CNTNAP2: variants seen among roughly 807,000 people sequenced by gnomAD.
CNTNAP2 encodes the protein contactin-associated protein-like 2.
CNTNAP2 carries 98 observed loss-of-function variants against 155.2 expected under a neutral mutation model. That is an observed-to-expected ratio of 0.63 (90% CI 0.54 to 0.75). The LOEUF is 0.75. Ranked by LOEUF, CNTNAP2 falls within the 30% of genes least tolerant of loss-of-function variation. The probability of loss-of-function intolerance (pLI) is 0.00; values close to 1 mark genes in which losing one functional copy is unlikely to be tolerated. For missense variants in CNTNAP2, 1,727 were observed against 1,688.1 expected, an observed-to-expected ratio of 1.02 and a Z score of -0.40; for synonymous variants, 651 against 631.2, an observed-to-expected ratio of 1.03 and a Z score of -0.47.
intron 1 of CNTNAP2, among the ~76,000 whole-genome samples, chr7:146,144,591 A>G (rs1455249758): frequency 6.6e-6 from 1 of 152,208 alleles, no homozygotes; most frequent in African/African-American, 2.4e-5. Flanking sequence ...TTACTTTGCT[A>G]TTGCTGAATG....
At chr7:146,948,826 T>C (rs886198696) in intron 3 of CNTNAP2, among the ~76,000 whole-genome samples, 1 of 152,156 alleles carries the variant, frequency 6.6e-6, no homozygotes, top group African/African-American at 2.4e-5. Flanking sequence ...AGGACACAGA[T>C]GTTGGGCCTC....
At chr7:147,448,507 C>T (rs2116563903) in intron 10 of CNTNAP2, among the ~76,000 whole-genome samples, 1 of 112,126 alleles carries the variant, frequency 8.9e-6, no homozygotes, top group South Asian at 3.4e-4. Context: ...TATATATATG[C>T]ACCCCCATTG....
intron 1 of CNTNAP2, among the ~76,000 whole-genome samples, chr7:146,431,893 G>A (rs972148868): frequency 2.0e-5 from 3 of 152,070 alleles, no homozygotes; most frequent in South Asian, 2.1e-4. Flanking sequence ...AATAGCTTTC[G>A]TATGATCTGA....
At chr7:148,029,419 G>A (rs924221865) in intron 15 of CNTNAP2, among the ~76,000 whole-genome samples, 5 of 152,126 alleles carry the variant, frequency 3.3e-5, no homozygotes, top group African/African-American at 1.2e-4. Flanking sequence ...TGTTATACTT[G>A]CAGAAAATAT....
intron 1 of CNTNAP2, among the ~76,000 whole-genome samples, chr7:146,746,091 T>C (rs1474231820): frequency 2.0e-5 from 3 of 152,202 alleles, no homozygotes; most frequent in African/African-American, 7.2e-5. Context: ...CAAAAGGGAG[T>C]AGAGTGGAAC....
intron 1 of CNTNAP2, among the ~76,000 whole-genome samples, chr7:146,520,129 T>C (rs1475728754): frequency 6.6e-6 from 1 of 151,390 alleles, no homozygotes; most frequent in Non-Finnish European, 1.5e-5. Flanking sequence ...TGCCAATTTC[T>C]ACAATGACCC....
chr7:146,868,637 C>A (rs1040002409), intron 3 of CNTNAP2, among the ~76,000 whole-genome samples: 3 of 152,120 alleles, frequency 2.0e-5, no homozygotes, highest in African/African-American at 7.2e-5. Flanking sequence ...TTGATTCTTC[C>A]TATCCATGAG....
At chr7:146,258,654 A>G (rs953217955) in intron 1 of CNTNAP2, among the ~76,000 whole-genome samples, 6 of 152,204 alleles carry the variant, frequency 3.9e-5, no homozygotes, top group Non-Finnish European at 8.8e-5. Context: ...TGAGAGGAAT[A>G]AACTCTCTAA....
chr7:147,495,333 C>A (rs987373100), intron 11 of CNTNAP2, among the ~76,000 whole-genome samples: 1 of 152,112 alleles, frequency 6.6e-6, no homozygotes, highest in Admixed American at 6.6e-5. Flanking sequence ...ACCTTGGTAG[C>A]TTGAAGCAGA....
intron 14 of CNTNAP2, among the ~76,000 whole-genome samples, chr7:147,936,947 C>T (rs1288436182): frequency 6.6e-6 from 1 of 152,118 alleles, no homozygotes; most frequent in South Asian, 2.1e-4. Context: ...TAATGTTGCA[C>T]CCCATTGCTG....
intron 1 of CNTNAP2, among the ~76,000 whole-genome samples, chr7:146,593,838 T>C (rs1218009116): frequency 6.6e-6 from 1 of 152,196 alleles, no homozygotes; most frequent in Non-Finnish European, 1.5e-5. Context: ...TTTAGACGCC[T>C]GTGTTTGTGT....
intron 20 of CNTNAP2, among the ~76,000 whole-genome samples, chr7:148,238,797 G>C (rs909823102): frequency 5.9e-5 from 9 of 152,102 alleles, no homozygotes; most frequent in Non-Finnish European, 1.2e-4. Flanking sequence ...GAAACATGGA[G>C]CCCAGACTGA....
intron 1 of CNTNAP2, among the ~76,000 whole-genome samples, chr7:146,452,896 A>G (rs1301614169): frequency 2.0e-5 from 3 of 152,234 alleles, no homozygotes; most frequent in African/African-American, 7.2e-5. Flanking sequence ...GACTCTGAAC[A>G]TGAGTCCATA....
intron 13 of CNTNAP2, among the ~76,000 whole-genome samples, chr7:147,896,357 C>T (rs1390123604): frequency 6.6e-6 from 1 of 152,128 alleles, no homozygotes; most frequent in East Asian, 1.9e-4. Context: ...TCACCTTGCC[C>T]GCTGCCTAGA....
chr7:147,953,747 G>A (rs776583957), intron 14 of CNTNAP2, among the ~76,000 whole-genome samples: 3 of 152,050 alleles, frequency 2.0e-5, no homozygotes, highest in Admixed American at 6.6e-5. Context: ...GATCTCTCTC[G>A]TAGCTTCTGG....
intron 1 of CNTNAP2, among the ~76,000 whole-genome samples, chr7:146,686,296 AG>A (rs1800597851): frequency 6.7e-6 from 1 of 149,098 alleles, no homozygotes; most frequent in Non-Finnish European, 1.5e-5. Flanking sequence ...CCCTGTCTCA[AG>A]GGAAAAAAAA....
At chr7:146,936,774 T>A (rs1269434770) in intron 3 of CNTNAP2, among the ~76,000 whole-genome samples, 1 of 152,170 alleles carries the variant, frequency 6.6e-6, no homozygotes, top group African/African-American at 2.4e-5. Context: ...AACACTGAAC[T>A]GTAACCAATC....
At chr7:147,307,598 A>C (rs199600282) in intron 9 of CNTNAP2, among the ~76,000 whole-genome samples, 2 of 142,874 alleles carry the variant, frequency 1.4e-5, no homozygotes, top group East Asian at 2.4e-4. Context: ...CTGCCCCCCC[A>C]AAAAAGGAAA....
chr7:146,853,268 T>C (rs999306637), intron 3 of CNTNAP2, among the ~76,000 whole-genome samples: 1 of 152,206 alleles, frequency 6.6e-6, no homozygotes, highest in African/African-American at 2.4e-5. Context: ...CTTTACTTAA[T>C]GTAAGCAGGA....
Sources: allele counts gnomAD v4.1 joint callset (sites outside exome capture counted in the v4.1 genomes callset), GRCh38; gene constraint gnomAD v4.1.1; transcripts MANE v1.5; gene names NCBI Gene and HGNC (gene_info 2026-07-23, HGNC 2026-07-21).